Variants in LRMDA observed in about 807,000 individuals in gnomAD.
The protein encoded by LRMDA is leucine-rich melanocyte differentiation-associated protein.
A neutral mutation model predicts 29.8 loss-of-function variants in LRMDA; 18 were observed. The observed-to-expected ratio is 0.60, with a 90% CI of 0.42 to 0.90. The LOEUF (loss-of-function observed/expected upper bound fraction) is 0.90. Ranked by LOEUF, LRMDA falls within the 40% of genes least tolerant of loss-of-function variation. LRMDA has a pLI of 0.00. For missense variants in LRMDA, 273 were observed against 273.9 expected, an observed-to-expected ratio of 1.00 and a Z score of 0.02; for synonymous variants, 125 against 109.4, an observed-to-expected ratio of 1.14 and a Z score of -0.89.
chr10:76,524,730 G>A (rs1843156799), intron 6 of LRMDA, among the ~76,000 whole-genome samples: 1 of 152,116 alleles, frequency 6.6e-6, no homozygotes, highest in South Asian at 2.1e-4. Flanking sequence ...TACCTCTGCC[G>A]TGAGTCTGGA....
At chr10:75,933,669 T>C (rs9415136) in intron 2 of LRMDA, among the ~76,000 whole-genome samples, 38,325 of 151,984 alleles carry the variant, frequency 0.25, 5,167 homozygotes, top group South Asian at 0.43. Flanking sequence ...CTCGTAGAAA[T>C]AGCTTCACAA....
At chr10:76,091,852 A>AT (rs1254538112) in intron 5 of LRMDA, among the ~76,000 whole-genome samples, 74 of 127,898 alleles carry the variant, frequency 5.8e-4, no homozygotes, top group African/African-American at 2.0e-3. Context: ...CATCTGGGTG[A>AT]TTTAAAAAAA....
intron 2 of LRMDA, among the ~76,000 whole-genome samples, chr10:75,819,794 C>T (rs2132279708): frequency 6.6e-6 from 1 of 152,218 alleles, no homozygotes; most frequent in East Asian, 1.9e-4. Flanking sequence ...AATGGTGGAT[C>T]TAGACCTGTA....
chr10:76,374,974 A>T (rs1200047343), intron 6 of LRMDA, among the ~76,000 whole-genome samples: 1 of 152,246 alleles, frequency 6.6e-6, no homozygotes, highest in Non-Finnish European at 1.5e-5. Context: ...TTGTCTAAAA[A>T]CAAGCTAGAT....
At chr10:76,538,653 T>G (rs1245982066) in intron 6 of LRMDA, among the ~76,000 whole-genome samples, 1 of 151,744 alleles carries the variant, frequency 6.6e-6, no homozygotes, top group Admixed American at 6.6e-5. Context: ...AATTCTTAAA[T>G]ACGTCTTCTG....
chr10:75,565,324 C>T (rs1183735923), intron 2 of LRMDA, among the ~76,000 whole-genome samples: 3 of 152,156 alleles, frequency 2.0e-5, no homozygotes, highest in Admixed American at 6.5e-5. Context: ...AGAACAGGGG[C>T]TGAATACTGC....
intron 2 of LRMDA, among the ~76,000 whole-genome samples, chr10:75,706,223 ACTAT>A (rs1452226285): frequency 6.6e-6 from 1 of 150,988 alleles, no homozygotes; most frequent in Non-Finnish European, 1.5e-5. Context: ...CCCACTATGG[ACTAT>A]ATAGTTTTCT....
Sources: allele counts gnomAD v4.1 joint callset (sites outside exome capture counted in the v4.1 genomes callset), GRCh38; gene constraint gnomAD v4.1.1; transcripts MANE v1.5; gene names NCBI Gene and HGNC (gene_info 2026-07-23, HGNC 2026-07-21).